Variants in TXNDC16 observed in about 807,000 individuals in gnomAD.
The protein encoded by TXNDC16 is thioredoxin domain-containing protein 16.
Under a neutral mutation model 85.6 loss-of-function variants are expected in TXNDC16, and 74 were observed. The observed-to-expected ratio is 0.86, with a 90% confidence interval of 0.72 to 1.05. TXNDC16 has a LOEUF of 1.05. TXNDC16 is among the 50% of genes least tolerant of loss of function. The probability of loss-of-function intolerance (pLI) is 0.00; values close to 1 mark genes in which losing one functional copy is unlikely to be tolerated. For synonymous variants in TXNDC16, 335 were observed against 326.5 expected, an observed-to-expected ratio of 1.03 and a Z score of -0.28; for missense variants, 959 against 947.0, an observed-to-expected ratio of 1.01 and a Z score of -0.17.
At chr14:52,436,700 A>G (rs1268213812) in intron 20 of TXNDC16, among the ~76,000 whole-genome samples, 1 of 152,192 alleles carries the variant, frequency 6.6e-6, no homozygotes, top group East Asian at 1.9e-4. Flanking sequence ...ATTGACCCTA[A>G]AATAAATTAA....
In TXNDC16 at chr14:52,490,371, C is replaced by T. The variant is rs775081908; in HGVS notation, c.984+20G>A. On this transcript the variant is annotated intron_variant, in intron 11 of 20. Coordinates refer to ENST00000281741, the MANE Select transcript of TXNDC16 (RefSeq NM_020784.3). ...CTTTAAATAAACAGATATTGTAGAA[C>T]AATACATAAAACAACTAACCTCTTC... The T allele has an allele frequency of 7.7e-6, 12 of 1,552,780 alleles. No homozygotes were observed.
At chr14:52,528,612 C>G (rs1232817462) in intron 6 of TXNDC16, among the ~76,000 whole-genome samples, 1 of 150,868 alleles carries the variant, frequency 6.6e-6, no homozygotes, top group Non-Finnish European at 1.5e-5. Flanking sequence ...ATAACAGTAT[C>G]TTAGAAAAAA....
rs566185969 is a variant in TXNDC16 at position 52,507,948 on chromosome 14, A to G, written c.756+3292T>C. Among the ~76,000 whole-genome samples the G allele has an allele frequency of 3.3e-5, 5 of 152,360 alleles. No homozygotes were observed. The East Asian group carries it at 9.6e-4, about 29-fold the overall frequency. ...ATTAAAGACTTAAATGTTAGACCTAAAACCATAAAAACCCTAGAAGAAAAC... is the reference window on the plus strand; with the variant it reads ...ATTAAAGACTTAAATGTTAGACCTAGAACCATAAAAACCCTAGAAGAAAAC... On this transcript the variant is annotated intron_variant, in intron 9 of 20. Coordinates refer to ENST00000281741, the MANE Select transcript of TXNDC16 (RefSeq NM_020784.3).
chr14:52,543,623 G>A lies in TXNDC16; in HGVS notation c.-66C>T. 6.4e-7 allele frequency: 1 copy of A among 1,550,870 alleles called. No homozygotes were observed. Among genetic ancestry groups the A allele is most frequent in the South Asian group, 1.2e-5 (1 of 83,442 alleles). On this transcript the variant is annotated 5_prime_UTR_variant, in exon 3 of 21. Coordinates refer to ENST00000281741, the MANE Select transcript of TXNDC16 (RefSeq NM_020784.3). ...TTCACTGCTGTGTTCTGTTTCCTAA[G>A]ACAACACCTGGCACAGAGAAGGTAT...
chr14:52,528,146 A>C (rs570852283), intron 6 of TXNDC16, among the ~76,000 whole-genome samples: 1 of 152,272 alleles, frequency 6.6e-6, no homozygotes, highest in Middle Eastern at 3.4e-3. Context: ...TGAAGATAAC[A>C]AATTATCTAA....
At chr14:52,448,965 A>T (rs991573133) in intron 18 of TXNDC16, among the ~76,000 whole-genome samples, 1 of 152,116 alleles carries the variant, frequency 6.6e-6, no homozygotes, top group Non-Finnish European at 1.5e-5. Context: ...AATACACACA[A>T]AAAAATTTTA....
At chr14:52,489,526 A>G (rs896117458) in intron 11 of TXNDC16, among the ~76,000 whole-genome samples, 2 of 152,214 alleles carry the variant, frequency 1.3e-5, no homozygotes, top group Non-Finnish European at 2.9e-5. Flanking sequence ...TAATTTCTAC[A>G]GAAATATAAT....
At chr14:52,535,497 G>C (rs1413188543) in intron 6 of TXNDC16, among the ~76,000 whole-genome samples, 1 of 152,120 alleles carries the variant, frequency 6.6e-6, no homozygotes, top group East Asian at 1.9e-4. Context: ...TTGTAGGTGA[G>C]AGAGGAAGAG....
chr14:52,459,141 A>C (rs1358013683), intron 16 of TXNDC16, among the ~76,000 whole-genome samples: 1 of 152,120 alleles, frequency 6.6e-6, no homozygotes, highest in African/African-American at 2.4e-5. Context: ...TAAAATAAAC[A>C]TATTTATTTA....
chr14:52,432,168 TA>T lies in TXNDC16; in HGVS notation c.*135del, dbSNP rs146815854. On this transcript the variant is annotated 3_prime_UTR_variant, in exon 21 of 21. Transcript: ENST00000281741. ...AATGTAGTTACTAGAAAATTTTAAA[TA>T]AAATATGTGACTTATATTATAATTC... The T allele has an allele frequency of 4.1e-6, 3 of 738,020 alleles. No homozygotes were observed. Among genetic ancestry groups the T allele is most frequent in the Non-Finnish European group, 5.9e-6 (3 of 512,692 alleles). The allele number at this position is 738,020 out of a possible 1,614,324, so 45.7% of individuals were successfully genotyped here. A position where few individuals can be genotyped will look rare whatever the true frequency, so the allele number is the denominator to read the frequency against.
intron 1 of TXNDC16, among the ~76,000 whole-genome samples, chr14:52,551,786 C>T (rs2038056134): frequency 7.1e-6 from 1 of 140,376 alleles, no homozygotes; most frequent in Non-Finnish European, 1.5e-5. Flanking sequence ...GCGCCACCAT[C>T]TACCATACAC....
chr14:52,515,679 G>C (rs866240727), intron 7 of TXNDC16, among the ~76,000 whole-genome samples: 8 of 122,814 alleles, frequency 6.5e-5, no homozygotes, highest in Non-Finnish European at 1.4e-4. Context: ...ATGTGTGTGT[G>C]TGTGTGTGTG....
intron 14 of TXNDC16, among the ~76,000 whole-genome samples, chr14:52,478,629 C>G (rs1206750105): frequency 1.3e-5 from 2 of 151,982 alleles, no homozygotes; most frequent in South Asian, 2.1e-4. Flanking sequence ...GAATTAGCTA[C>G]TCTGAACAGT....
In TXNDC16 at chr14:52,536,474, C is replaced by T. The variant is rs116416760; in HGVS notation, c.392+245G>A. On this transcript the variant is annotated intron_variant, in intron 6 of 20. Coordinates refer to ENST00000281741, the MANE Select transcript of TXNDC16 (RefSeq NM_020784.3). Reference sequence around the variant, plus strand: ...TCCTCACTCCTCCAGTTAGACCTCACTCGATGTGGTTTTGTTGAGTCATCT... The same window carrying T: ...TCCTCACTCCTCCAGTTAGACCTCATTCGATGTGGTTTTGTTGAGTCATCT... 2.8e-3 allele frequency among the ~76,000 whole-genome samples: 429 copies of T among 152,352 alleles called. 1 individual carries two copies. The highest frequency in any genetic ancestry group is 9.8e-3 in the African/African-American group (406 of 41,576).
Position 52,482,843 on chromosome 14 carries a change from T to C in TXNDC16, c.1231A>G (p.Ile411Val). The change falls in exon 13 of 21, where the codon ATA (isoleucine) becomes GTA (valine). Residue 411 changes from isoleucine (I) to valine (V), a missense_variant. Transcript: ENST00000281741. The part of the protein sequence containing the change: ...FNATVMASDS[I>V]VLFYAGWQAV... ...TCACAACCAGCATAGAAGAGTACTATGCTGTCAGAAGCCATCACTGTTGCA... is the reference window on the plus strand; with the variant it reads ...TCACAACCAGCATAGAAGAGTACTACGCTGTCAGAAGCCATCACTGTTGCA... 5.6e-6 allele frequency: 9 copies of C among 1,611,694 alleles called. No individual in the cohort carries two copies. Among genetic ancestry groups the C allele is most frequent in the Non-Finnish European group, 7.6e-6 (9 of 1,179,228 alleles).
At chr14:52,542,847 G>A (rs2037861543) in intron 3 of TXNDC16, among the ~76,000 whole-genome samples, 1 of 152,112 alleles carries the variant, frequency 6.6e-6, no homozygotes, top group East Asian at 1.9e-4. Context: ...CAACAGAAAT[G>A]TGTATACTCA....
At chr14:52,441,215 C>A (rs1415468834) in intron 18 of TXNDC16, among the ~76,000 whole-genome samples, 2 of 152,054 alleles carry the variant, frequency 1.3e-5, no homozygotes, top group Non-Finnish European at 2.9e-5. Context: ...TATGCTAAAA[C>A]AAATCCAAAC....
intron 16 of TXNDC16, among the ~76,000 whole-genome samples, chr14:52,465,591 CAAA>C (rs11411206): frequency 3.4e-5 from 3 of 88,870 alleles, no homozygotes; most frequent in African/African-American, 4.0e-5. Context: ...GACTCCATCT[CAAA>C]AAAAAAAAAA....
intron 1 of TXNDC16, among the ~76,000 whole-genome samples, chr14:52,548,376 G>T (rs1176444565): frequency 1.3e-5 from 2 of 152,066 alleles, no homozygotes. Flanking sequence ...TTTATCACAG[G>T]TTCACATGAT....
Sources: allele counts gnomAD v4.1 joint callset (sites outside exome capture counted in the v4.1 genomes callset), GRCh38; gene constraint gnomAD v4.1.1; transcripts MANE v1.5; gene names NCBI Gene and HGNC (gene_info 2026-07-23, HGNC 2026-07-21).